TMEM126B: variants seen among roughly 807,000 people sequenced by gnomAD.
TMEM126B encodes transmembrane protein 126B, also known as complex I assembly factor TMEM126B, mitochondrial.
A neutral mutation model predicts 16.5 loss-of-function variants in TMEM126B; 19 were observed. That is an observed-to-expected ratio of 1.15 (90% confidence interval 0.80 to 1.69). The LOEUF (loss-of-function observed/expected upper bound fraction) is 1.69. Among genes scored for constraint, TMEM126B ranks in the 40% most tolerant of loss-of-function variants. The pLI is 0.00. For synonymous variants in TMEM126B, 104 were observed against 93.2 expected (o/e 1.12, Z -0.67); for missense variants, 293 against 278.7 (o/e 1.05, Z -0.37).
At position 85,635,742 on chromosome 11, in the gene TMEM126B, C is replaced by A. The variant is rs753639878; in HGVS notation, c.473C>A (p.Ser158Tyr). 4 of 1,602,868 alleles carry A rather than the reference C, an allele frequency of 2.5e-6. No homozygotes were observed. Among genetic ancestry groups the A allele is most frequent in the Non-Finnish European group, 3.4e-6 (4 of 1,177,058 alleles). ...GTTTGTGGTGTTTTCTATCCCAGTT[C>A]TTTGGCTTTTACTAAAAATGGACGC... ...GIVCGVFYPS[S>Y]LAFTKNGRLA... The change falls in exon 4 of 5, where the codon TCT becomes TAT. Residue 158 changes from serine (S) to tyrosine (Y), a missense_variant. By Grantham distance (144) the Ser-to-Tyr change is moderately radical. Transcript: ENST00000358867.
At chr11:85,629,428 T>A (rs1169398930) in intron 1 of TMEM126B, among the ~76,000 whole-genome samples, 1 of 152,188 alleles carries the variant, frequency 6.6e-6, no homozygotes, top group African/African-American at 2.4e-5. Context: ...AGGGGTGTAA[T>A]GAAAGCACTG....
upstream of TMEM126B, chr11:85,628,588 A>G (rs1205945167): frequency 6.5e-7 from 1 of 1,528,244 alleles, no homozygotes; most frequent in African/African-American, 1.5e-5. Context: ...GCCCACCGGC[A>G]AGTCACATGA....
chr11:85,629,550 T>C (rs2082215892), intron 1 of TMEM126B, among the ~76,000 whole-genome samples: 1 of 152,226 alleles, frequency 6.6e-6, no homozygotes, highest in South Asian at 2.1e-4. Context: ...CTGTTTTCCC[T>C]ATAGAGACTT....
chr11:85,633,373 G>A (rs1293174394), intron 2 of TMEM126B, among the ~76,000 whole-genome samples: 3 of 152,198 alleles, frequency 2.0e-5, no homozygotes, highest in Non-Finnish European at 4.4e-5. Flanking sequence ...CTGAGGAATC[G>A]TGACACTGAC....
At chr11:85,631,044 A>C (rs995483800) in intron 1 of TMEM126B, 46 of 869,006 alleles carry the variant, frequency 5.3e-5, no homozygotes, top group Non-Finnish European at 6.7e-5. Flanking sequence ...AGTAGTAGCC[A>C]CAATCCACTG....
intron 1 of TMEM126B, chr11:85,631,217 C>T (rs11541505): frequency 1.6e-6 from 2 of 1,289,932 alleles, no homozygotes; most frequent in Non-Finnish European, 2.0e-6. Context: ...CAATAAGCAG[C>T]CACTGTTTCC....
At chr11:85,630,451 A>T (rs1054215454) in intron 1 of TMEM126B, among the ~76,000 whole-genome samples, 19 of 152,228 alleles carry the variant, frequency 1.2e-4, no homozygotes, top group African/African-American at 4.3e-4. Flanking sequence ...AGTAAAAAGC[A>T]CTGAATTTAG....
In TMEM126B at chr11:85,628,659, G is replaced by C. The variant is rs1194673709; in HGVS notation, c.52G>C (p.Val18Leu). 6.5e-7 allele frequency: 1 copy of C among 1,536,206 alleles called. No individual in the cohort carries two copies. The part of the protein sequence containing the change: ...AGTKPRDSGV[V>L]PVGTEEAPKV... ...GACTAAGCCAAGGGATTCAGGTGTGGTGCCGGTGGGAACTGAGGAAGCGCC... is the reference window on the plus strand; with the variant it reads ...GACTAAGCCAAGGGATTCAGGTGTGCTGCCGGTGGGAACTGAGGAAGCGCC... The change falls in exon 1 of 5, where the codon GTG becomes CTG. Residue 18 changes from valine to leucine, a missense_variant. By Grantham distance (32) the Val-to-Leu change is conservative. Coordinates refer to ENST00000358867, the MANE Select transcript of TMEM126B (RefSeq NM_018480.7).
intron 2 of TMEM126B, among the ~76,000 whole-genome samples, chr11:85,632,079 A>C (rs990033908): frequency 6.6e-6 from 1 of 152,168 alleles, no homozygotes; most frequent in Non-Finnish European, 1.5e-5. Flanking sequence ...TGTGCAGTAA[A>C]TGTATTTTAA....
rs1211521542 is a variant in TMEM126B at position 85,631,215 on chromosome 11, A to G, written c.82-472A>G. On this transcript the variant is annotated intron_variant, in intron 1 of 4. Coordinates refer to ENST00000358867, the MANE Select transcript of TMEM126B (RefSeq NM_018480.7). ...ACTGAGGATAGAGATGTCAATAAGC[A>G]GCCACTGTTTCCACCTCCCCACCTG... 4.7e-6 allele frequency: 6 copies of G among 1,290,212 alleles called. No homozygotes were observed. The South Asian group carries it at 7.4e-5, about 16-fold the overall frequency. The allele number at this position is 1,290,212 out of a possible 1,614,324, so 79.9% of individuals were successfully genotyped here.
Position 85,633,933 on chromosome 11 carries a change from C to A in TMEM126B, c.204-153C>A, listed in dbSNP as rs761370693. 4.6e-5 allele frequency among the ~76,000 whole-genome samples: 7 copies of A among 152,112 alleles called. No homozygotes were observed. In the South Asian group the frequency reaches 8.3e-4, roughly 18 times the overall value. Reference sequence around the variant, plus strand: ...TTCTTTTTTTCTTTTGCTTTGTTTACTGTCCTATCTTAAGCACTTAGAAAA... The same window carrying A: ...TTCTTTTTTTCTTTTGCTTTGTTTAATGTCCTATCTTAAGCACTTAGAAAA... On this transcript the variant is annotated intron_variant, in intron 2 of 4. Transcript: ENST00000358867.
At position 85,631,775 on chromosome 11, in the gene TMEM126B, T is replaced by G. The variant is rs1283610941; in HGVS notation, c.170T>G (p.Ile57Arg). 6.2e-7 allele frequency: 1 copy of G among 1,611,820 alleles called. No homozygotes were observed. Among genetic ancestry groups the G allele is most frequent in the Admixed American group, 1.7e-5 (1 of 59,366 alleles). ...AGAAGACCAATGGTCATAGAAATCA[T>G]AGAAAAAAATTTTGACTATCTTAGA... ...KLRRPMVIEI[I>R]EKNFDYLRKE... Residue 57 changes from isoleucine to arginine, a missense_variant, in exon 2 of 5, where the codon ATA becomes AGA. By Grantham distance (97) the Ile-to-Arg change is moderately conservative. Coordinates refer to ENST00000358867, the MANE Select transcript of TMEM126B (RefSeq NM_018480.7).
At chr11:85,634,006 G>C in intron 2 of TMEM126B, 80 bp from the exon 3 acceptor site, 3 of 898,958 alleles carry the variant, frequency 3.3e-6, no homozygotes, top group Non-Finnish European at 5.2e-6. Context: ...ATATTGATAT[G>C]CAATAACAAC....
intron 2 of TMEM126B, 40 bp from the exon 3 acceptor site, chr11:85,634,046 C>T (rs750002871): frequency 4.3e-5 from 62 of 1,454,892 alleles, no homozygotes; most frequent in Non-Finnish European, 2.3e-5. Context: ...CCATTAAGTT[C>T]AATGGTATAG....
chr11:85,634,509 A>T (rs2082363423), intron 3 of TMEM126B: 1 of 422,402 alleles, frequency 2.4e-6, no homozygotes, highest in African/African-American at 2.1e-5. Flanking sequence ...ATGTTCAAGT[A>T]CGCTAATAAG....
In TMEM126B at chr11:85,634,124, C is replaced by T. The variant is rs772243262; in HGVS notation, c.242C>T (p.Thr81Ile). The T allele has an allele frequency of 6.2e-6, 10 of 1,613,406 alleles. No individual in the cohort carries two copies. In the South Asian group the frequency reaches 9.9e-5, roughly 16 times the overall value. The change falls in exon 3 of 5, where the codon ACA becomes ATA. Residue 81 changes from threonine to isoleucine, a missense_variant. Thr to Ile is a moderately conservative substitution (Grantham distance 89). Transcript: ENST00000358867. ...TATCAAATGGCGACATTTGGAACAA[C>T]AGCTGGTTTCTCTGGAATATTCTCA... The part of the protein sequence containing the change: ...NIYQMATFGT[T>I]AGFSGIFSNF...
At chr11:85,628,821 C>A in intron 1 of TMEM126B, 133 bp downstream of exon 1, 1 of 865,380 alleles carries the variant, frequency 1.2e-6, no homozygotes, top group Non-Finnish European at 1.8e-6. Flanking sequence ...AAGGAGCAGT[C>A]GATTAAGTCT....
In TMEM126B at chr11:85,628,599, G is replaced by A. The variant is rs904637671; in HGVS notation, c.-9G>A. 1.3e-6 allele frequency: 2 copies of A among 1,535,688 alleles called. No individual in the cohort carries two copies. Among genetic ancestry groups the A allele is most frequent in the Non-Finnish European group, 1.7e-6 (2 of 1,146,792 alleles). On this transcript the variant is annotated 5_prime_UTR_variant, in exon 1 of 5. Coordinates refer to ENST00000358867, the MANE Select transcript of TMEM126B (RefSeq NM_018480.7). ...CCCCGCCCACCGGCAAGTCACATGA[G>A]CCACCAAAATGGTGGTGTTCGGGTA...
At chr11:85,634,700 T>C (rs539588426) in intron 3 of TMEM126B, 1 of 155,196 alleles carries the variant, frequency 6.4e-6, no homozygotes, top group African/African-American at 2.4e-5. Flanking sequence ...AATTAAAAGA[T>C]ACTGTAGGTT....
Sources: allele counts gnomAD v4.1 joint callset (sites outside exome capture counted in the v4.1 genomes callset), GRCh38; gene constraint gnomAD v4.1.1; transcripts MANE v1.5; gene names NCBI Gene and HGNC (gene_info 2026-07-23, HGNC 2026-07-21).